ADGRL2: variants seen among roughly 807,000 people sequenced by gnomAD.
ADGRL2 encodes adhesion G protein-coupled receptor L2.
In ADGRL2, 44 loss-of-function variants were observed where a neutral mutation model predicts 157.4. The observed-to-expected ratio is 0.28, with a 90% confidence interval of 0.22 to 0.36. The LOEUF (loss-of-function observed/expected upper bound fraction) is 0.36, where lower values mean the gene tolerates loss of function less well. Among genes scored for constraint, ADGRL2 ranks in the 10% least tolerant of loss-of-function variants. The probability of loss-of-function intolerance (pLI) is 1.00; values close to 1 mark genes in which losing one functional copy is unlikely to be tolerated. For missense variants in ADGRL2, 1,510 were observed against 1,768.9 expected (o/e 0.85, Z 2.63); for synonymous variants, 585 against 624.7 (o/e 0.94, Z 0.95).
intron 1 of ADGRL2, among the ~76,000 whole-genome samples, chr1:81,394,527 A>G (rs1172845086): frequency 2.0e-5 from 3 of 152,172 alleles, no homozygotes; most frequent in Admixed American, 6.5e-5. Context: ...ATATGTTGCC[A>G]CAAATGACAG....
chr1:81,584,594 A>T (rs1430111738), intron 3 of ADGRL2, among the ~76,000 whole-genome samples: 1 of 152,172 alleles, frequency 6.6e-6, no homozygotes, highest in Non-Finnish European at 1.5e-5. Context: ...TATATTAATC[A>T]AAGTTAGGGC....
intron 2 of ADGRL2, chr1:81,557,629 T>A (rs976638333): frequency 6.6e-6 from 1 of 152,270 alleles, no homozygotes; most frequent in Non-Finnish European, 1.5e-5. Flanking sequence ...TTGAATGTCT[T>A]CCTAATCAGT....
chr1:81,467,461 G>A (rs192360259), intron 2 of ADGRL2, among the ~76,000 whole-genome samples: 12 of 152,266 alleles, frequency 7.9e-5, no homozygotes, highest in Middle Eastern at 3.4e-3. Context: ...CACTAACCAA[G>A]AGATTTTACA....
intron 2 of ADGRL2, among the ~76,000 whole-genome samples, chr1:81,571,916 G>A (rs192674305): frequency 6.2e-4 from 94 of 152,202 alleles, no homozygotes; most frequent in Admixed American, 4.2e-3. Context: ...ACCTTTTCTT[G>A]TCTCATCAAC....
At chr1:81,925,186 GTT>G (rs1209705600) in intron 3 of ADGRL2, among the ~76,000 whole-genome samples, 2 of 152,054 alleles carry the variant, frequency 1.3e-5, no homozygotes, top group African/African-American at 4.8e-5. Context: ...GTAGCACTTT[GTT>G]TTTAGAATAA....
intron 3 of ADGRL2, among the ~76,000 whole-genome samples, chr1:81,931,044 G>A (rs1399173788): frequency 1.3e-5 from 2 of 152,174 alleles, no homozygotes; most frequent in African/African-American, 4.8e-5. Flanking sequence ...AGCTACTCAG[G>A]AGGCTGAGGC....
intron 3 of ADGRL2, among the ~76,000 whole-genome samples, chr1:81,932,280 A>G (rs1008318705): frequency 2.0e-5 from 3 of 152,208 alleles, no homozygotes; most frequent in Admixed American, 6.5e-5. Context: ...TGTGATGTAT[A>G]CATGTACTCA....
In ADGRL2 at chr1:81,992,681, A is replaced by AAAAGAAGG. The variant is rs1352309836; in HGVS notation, c.*1538_*1545dup. Among the ~76,000 whole-genome samples, 3 of 152,168 alleles carry AAAAGAAGG rather than the reference A, an allele frequency of 2.0e-5. No homozygotes were observed. In the East Asian group the frequency reaches 5.8e-4, roughly 29 times the overall value. The stretch of plus-strand genomic sequence containing the variant: ...TTTGTTGCATTGTACCAGGACTAAA[A>AAAAGAAGG]AAAGAAGGATTGGAAGTTCTGCCAT... On this transcript the variant is annotated 3_prime_UTR_variant, in exon 24 of 24. Coordinates refer to ENST00000686636, the MANE Select transcript of ADGRL2 (RefSeq NM_001366006.2).
intron 1 of ADGRL2, among the ~76,000 whole-genome samples, chr1:81,317,177 A>C (rs1484852212): frequency 1.3e-5 from 2 of 152,150 alleles, no homozygotes; most frequent in African/African-American, 4.8e-5. Flanking sequence ...TCTAGAATAC[A>C]TAACACAACC....
rs1183759275 is a variant in ADGRL2 at position 81,747,293 on chromosome 1, GTA to G, written c.-142-14504_-142-14503del. The stretch of plus-strand genomic sequence containing the variant: ...TGTATATATACATGTGCATACATGT[GTA>G]TATATATATATATTTTTTTTTTTGA... On this transcript the variant is annotated intron_variant, in intron 1 of 20. Transcript: ENST00000359929. Among the ~76,000 whole-genome samples the G allele has an allele frequency of 4.8e-5, 7 of 144,740 alleles. No individual in the cohort carries two copies. The South Asian group carries it at 6.6e-4, about 14-fold the overall frequency. The allele number at this position is 144,740 out of a possible 152,430, so 95.0% of individuals were successfully genotyped here.
At chr1:81,532,099 T>C (rs1353551898) in intron 2 of ADGRL2, among the ~76,000 whole-genome samples, 1 of 152,192 alleles carries the variant, frequency 6.6e-6, no homozygotes, top group Non-Finnish European at 1.5e-5. Context: ...TTTCTCTGAG[T>C]TCAGTTTTCT....
At chr1:81,878,098 G>A (rs1350722126) in intron 2 of ADGRL2, among the ~76,000 whole-genome samples, 1 of 152,082 alleles carries the variant, frequency 6.6e-6, no homozygotes, top group Admixed American at 6.6e-5. Flanking sequence ...AGTTTCGTGA[G>A]TTTAGTCTCA....
At chr1:81,878,255 CATAG>C (rs2093892994) in intron 2 of ADGRL2, among the ~76,000 whole-genome samples, 1 of 152,038 alleles carries the variant, frequency 6.6e-6, no homozygotes. Flanking sequence ...ACATGAGGAA[CATAG>C]ATAGGGGACA....
intron 2 of ADGRL2, among the ~76,000 whole-genome samples, chr1:81,508,488 G>GGATTATATGTGAATA: frequency 6.6e-6 from 1 of 152,334 alleles, no homozygotes; most frequent in Non-Finnish European, 1.5e-5. Flanking sequence ...ATATGTGAAT[G>GGATTATATGTGAATA]AGGAGACAAG....
Position 81,951,084 on chromosome 1 carries a change from A to G in ADGRL2, c.1571A>G (p.Asn524Ser), listed in dbSNP as rs1230873479. Reference protein sequence around the residue: ...TWNPKGPDLSNCTSHWVNQLA... With the variant: ...TWNPKGPDLSSCTSHWVNQLA... ...AACCCTAAGGGCCCCGATCTTAGCA[A>G]CTGTACCTCACACTGGGTGAATCAG... Residue 524 changes from asparagine to serine, a missense_variant, in exon 8 of 24, where the codon AAC becomes AGC. By Grantham distance (46) the Asn-to-Ser change is conservative. Around this residue, in one of 4 missense-constraint regions of ADGRL2, gnomAD observed 325 missense variants for 333.2 expected, o/e 0.98. Coordinates refer to ENST00000686636, the MANE Select transcript of ADGRL2 (RefSeq NM_001366006.2). 1.2e-6 allele frequency: 2 copies of G among 1,613,596 alleles called. No individual in the cohort carries two copies. Among genetic ancestry groups the G allele is most frequent in the East Asian group, 2.2e-5 (1 of 44,854 alleles).
At position 81,971,840 on chromosome 1, in the gene ADGRL2, T is replaced by G. The variant is rs1333281891; in HGVS notation, c.2955-12T>G. On this transcript the variant is annotated splice_polypyrimidine_tract_variant and intron_variant, in intron 16 of 23. Transcript: ENST00000686636. ...GAAACTACTAATGCATATTCTTCTC[T>G]TTTCATAATAGTTGCTGGCTTCATG... 1.3e-6 allele frequency: 2 copies of G among 1,554,794 alleles called. No individual in the cohort carries two copies. Among genetic ancestry groups the G allele is most frequent in the African/African-American group, 1.4e-5 (1 of 73,806 alleles).
chr1:81,322,113 C>CACATATATAT (rs1553153271), intron 1 of ADGRL2, among the ~76,000 whole-genome samples: 7 of 112,118 alleles, frequency 6.2e-5, no homozygotes, highest in African/African-American at 2.1e-4. Flanking sequence ...TATATATACA[C>CACATATATAT]ATATATATAT....
At chr1:81,374,170 A>G (rs1430624799) in intron 1 of ADGRL2, among the ~76,000 whole-genome samples, 1 of 152,190 alleles carries the variant, frequency 6.6e-6, no homozygotes, top group African/African-American at 2.4e-5. Context: ...CATGTGATAC[A>G]TATGTATTCC....
chr1:81,989,937 T>C (rs1664237378), intron 23 of ADGRL2: 1 of 985,306 alleles, frequency 1.0e-6, no homozygotes. Flanking sequence ...CTTTCAGTTT[T>C]GTATTGTGAC....
Sources: allele counts gnomAD v4.1 joint callset (sites outside exome capture counted in the v4.1 genomes callset), GRCh38; gene constraint gnomAD v4.1.1; regional missense constraint gnomAD v4.1.1; transcripts MANE v1.5; gene names NCBI Gene and HGNC (gene_info 2026-07-23, HGNC 2026-07-21).